The following DPT variants were observed in gnomAD, a reference collection of about 807,000 sequenced individuals.
DPT encodes the protein tyrosine-rich acidic matrix protein.
DPT carries 21 observed loss-of-function variants against 31.2 expected under a neutral mutation model. The observed-to-expected ratio is 0.67, with a 90% CI of 0.48 to 0.97. The LOEUF is 0.97. Ranked by LOEUF, DPT falls within the 50% of genes least tolerant of loss-of-function variation. DPT has a pLI of 0.00. For synonymous variants in DPT, 91 were observed against 86.9 expected (o/e 1.05, Z -0.26); for missense variants, 262 against 258.8 (o/e 1.01, Z -0.08).
chr1:168,705,314 C>T (rs1290269445), intron 2 of DPT, among the ~76,000 whole-genome samples: 1 of 152,104 alleles, frequency 6.6e-6, no homozygotes, highest in Admixed American at 6.5e-5. Flanking sequence ...CTGGATTAGT[C>T]GGTGTCACCT....
chr1:168,728,623 C>T (rs1326169575), intron 1 of DPT, among the ~76,000 whole-genome samples: 1 of 152,162 alleles, frequency 6.6e-6, no homozygotes, highest in African/African-American at 2.4e-5. Context: ...GGTAGAACAG[C>T]TTCTGGAAGG....
intron 3 of DPT, 105 bp downstream of exon 3, chr1:168,700,912 T>G (rs1286252645): frequency 7.2e-6 from 5 of 690,084 alleles, no homozygotes; most frequent in Non-Finnish European, 1.3e-5. Flanking sequence ...TGTGTGGGTG[T>G]GTGTGTGTGT....
Position 168,696,492 on chromosome 1 carries a change from G to T in DPT, c.*57C>A. ...AGATCCAACTGATGTTAACATATGT[G>T]GACACCCTCCTGTCCCCGGCCCCTT... On this transcript the variant is annotated 3_prime_UTR_variant, in exon 4 of 4. Transcript: ENST00000367817. 6.9e-7 allele frequency: 1 copy of T among 1,447,010 alleles called. No homozygotes were observed. The highest frequency in any genetic ancestry group is 9.5e-7 in the Non-Finnish European group (1 of 1,055,816). The allele number at this position is 1,447,010 out of a possible 1,614,324, so 89.6% of individuals were successfully genotyped here.
At chr1:168,714,489 T>C (rs1572629835) in intron 1 of DPT, 143 bp from the exon 2 acceptor site, 1 of 1,100,810 alleles carries the variant, frequency 9.1e-7, no homozygotes, top group African/African-American at 1.6e-5. Context: ...TAATAGTCTT[T>C]ATTATATTTG....
intron 1 of DPT, among the ~76,000 whole-genome samples, chr1:168,722,078 G>A (rs1650128076): frequency 6.6e-6 from 1 of 152,100 alleles, no homozygotes; most frequent in Admixed American, 6.6e-5. Context: ...TTCCCCTAAG[G>A]CCTCTGAGAA....
At chr1:168,721,288 A>G (rs1283662326) in intron 1 of DPT, among the ~76,000 whole-genome samples, 1 of 152,214 alleles carries the variant, frequency 6.6e-6, no homozygotes, top group Non-Finnish European at 1.5e-5. Flanking sequence ...TTCTGCTGAT[A>G]TTTATACCTA....
chr1:168,717,875 T>C (rs1485008955), intron 1 of DPT, among the ~76,000 whole-genome samples: 3 of 152,144 alleles, frequency 2.0e-5, no homozygotes, highest in African/African-American at 7.2e-5. Context: ...GCTATATGAG[T>C]GGAATGGACT....
At chr1:168,719,277 A>G (rs12127951) in intron 1 of DPT, among the ~76,000 whole-genome samples, 10,203 of 152,170 alleles carry the variant, frequency 0.067, 432 homozygotes, top group South Asian at 0.12. Context: ...CAAAATAAAT[A>G]TAGCTTTGGG....
chr1:168,718,858 T>C (rs1650040294), intron 1 of DPT, among the ~76,000 whole-genome samples: 1 of 152,252 alleles, frequency 6.6e-6, no homozygotes, highest in Admixed American at 6.5e-5. Flanking sequence ...ATTATGAGTC[T>C]ACTTTGTAAA....
At chr1:168,714,390 A>G in intron 1 of DPT, 44 bp from the exon 2 acceptor site, 4 of 1,611,420 alleles carry the variant, frequency 2.5e-6, no homozygotes, top group Non-Finnish European at 3.4e-6. Context: ...AGTGACACAT[A>G]CACAGACCCC....
chr1:168,703,253 G>T (rs1649642885), intron 2 of DPT, among the ~76,000 whole-genome samples: 1 of 152,190 alleles, frequency 6.6e-6, no homozygotes, highest in Non-Finnish European at 1.5e-5. Flanking sequence ...ATTGCCAAAA[G>T]TATTTGGAAA....
At chr1:168,722,113 A>G (rs1328704642) in intron 1 of DPT, among the ~76,000 whole-genome samples, 2 of 152,162 alleles carry the variant, frequency 1.3e-5, no homozygotes, top group Non-Finnish European at 2.9e-5. Flanking sequence ...TGTGAGATGC[A>G]TTTATGTCCT....
intron 2 of DPT, among the ~76,000 whole-genome samples, chr1:168,712,607 GCTCCTACCTA>G (rs1391276408): frequency 6.6e-6 from 1 of 152,180 alleles, no homozygotes; most frequent in Non-Finnish European, 1.5e-5. Flanking sequence ...TGGAGGCCAA[GCTCCTACCTA>G]CTCTCCCCTT....
At chr1:168,698,434 T>C (rs1649512169) in intron 3 of DPT, among the ~76,000 whole-genome samples, 1 of 152,236 alleles carries the variant, frequency 6.6e-6, no homozygotes, top group Admixed American at 6.5e-5. Context: ...GTCTTATTTA[T>C]CTGTGTAGCA....
intron 1 of DPT, among the ~76,000 whole-genome samples, chr1:168,727,950 C>T (rs985337078): frequency 7.2e-5 from 11 of 152,162 alleles, no homozygotes; most frequent in Non-Finnish European, 1.2e-4. Context: ...GCTTCCTCCT[C>T]CCTGGACTGC....
At chr1:168,720,030 G>A (rs558291637) in intron 1 of DPT, among the ~76,000 whole-genome samples, 1 of 152,262 alleles carries the variant, frequency 6.6e-6, no homozygotes. Context: ...ACTTTCTCCT[G>A]TATCTGCAAT....
rs1419335392 is a variant in DPT, at chr1:168,700,983, C to A, written c.539+34G>T. 5 of 1,508,278 alleles carry A rather than the reference C, an allele frequency of 3.3e-6. No homozygotes were observed. In the Admixed American group the frequency reaches 8.4e-5, roughly 25 times the overall value. The allele number at this position is 1,508,278 out of a possible 1,614,324, so 93.4% of individuals were successfully genotyped here. On this transcript the variant is annotated intron_variant, in intron 3 of 3. Transcript: ENST00000367817. ...AGGGAGTTAGTCCCAACTCCTTTAA[C>A]CCTAGCCCATTGGGAAGGGGCTGTC...
intron 1 of DPT, among the ~76,000 whole-genome samples, chr1:168,717,695 T>C (rs573964183): frequency 2.6e-5 from 4 of 152,318 alleles, no homozygotes; most frequent in Non-Finnish European, 5.9e-5. Context: ...TTTGGGTTTT[T>C]ACCTTTAAGT....
intron 2 of DPT, among the ~76,000 whole-genome samples, chr1:168,713,885 T>C (rs953679132): frequency 1.3e-5 from 2 of 151,936 alleles, no homozygotes; most frequent in African/African-American, 4.8e-5. Flanking sequence ...TTACCAGAAG[T>C]TGGGGAGAAG....
Sources: gnomAD v4.1 joint callset for allele counts (sites outside exome capture counted in the v4.1 genomes callset) on GRCh38, gnomAD v4.1.1 for gene constraint, MANE v1.5 for transcripts, NCBI Gene and HGNC (gene_info 2026-07-23, HGNC 2026-07-21) for gene names.